Variants in GNAI3 observed in about 807,000 individuals in gnomAD.
The protein encoded by GNAI3 is G protein subunit alpha i3.
A neutral mutation model predicts 41.8 loss-of-function variants in GNAI3; 12 were observed. The ratio of observed to expected loss-of-function variants is 0.29; its 90% CI spans 0.18 to 0.47. The LOEUF (loss-of-function observed/expected upper bound fraction) is 0.47. Among genes scored for constraint, GNAI3 ranks in the 20% least tolerant of loss-of-function variants. The pLI is 1.00. For missense variants in GNAI3, 360 were observed against 429.6 expected, an observed-to-expected ratio of 0.84 and a Z score of 1.43; for synonymous variants, 132 against 146.5, an observed-to-expected ratio of 0.90 and a Z score of 0.71.
At chr1:109,556,357 T>C (rs1648150669) in intron 1 of GNAI3, among the ~76,000 whole-genome samples, 1 of 152,142 alleles carries the variant, frequency 6.6e-6, no homozygotes, top group South Asian at 2.1e-4. Flanking sequence ...TTCTTAAAAG[T>C]CGCTCATCTG....
intron 5 of GNAI3, 22 bp from the exon 6 acceptor site, chr1:109,586,194 T>C: frequency 6.2e-7 from 1 of 1,610,450 alleles, no homozygotes. Context: ...TTGCTGAATT[T>C]GCTTTCTTTC....
chr1:109,586,171 T>G, intron 5 of GNAI3, 45 bp from the exon 6 acceptor site: 1 of 1,589,256 alleles, frequency 6.3e-7, no homozygotes, highest in Non-Finnish European at 8.6e-7. Context: ...TAGGGGAAGG[T>G]GTATGTGTGA....
Position 109,548,651 on chromosome 1 carries a change from T to C in GNAI3, c.-70T>C. 9.0e-7 allele frequency: 1 copy of C among 1,109,350 alleles called. No homozygotes were observed. The highest frequency in any genetic ancestry group is 2.7e-4 in the Middle Eastern group (1 of 3,714). 68.7% of individuals were successfully genotyped at this position (1,109,350 alleles called of 1,614,324 possible). A position where few individuals can be genotyped will look rare whatever the true frequency, so the allele number is the denominator to read the frequency against. On this transcript the variant is annotated 5_prime_UTR_variant, in exon 1 of 9. Coordinates refer to ENST00000369851, the MANE Select transcript of GNAI3 (RefSeq NM_006496.4). ...CCACCGCCCAGCAATAGACGGTGCC[T>C]CAGCCTGCCGAGCCGCAGTTTCCGT...
rs747890363 is a variant in GNAI3 at position 109,575,534 on chromosome 1, CTTTTTTTTTTT to C, written c.303+1512_303+1522del. The stretch of plus-strand genomic sequence containing the variant: ...TATTTATCTCCCTACCCTTTCATTT[CTTTTTTTTTTT>C]TTTTTTTTTTTTTTGGAGACGGACT... On this transcript the variant is annotated intron_variant, in intron 3 of 8. Transcript: ENST00000369851. Among the ~76,000 whole-genome samples the C allele has an allele frequency of 3.5e-3, 183 of 52,882 alleles. 1 individual carries two copies. Among genetic ancestry groups the C allele is most frequent in the Middle Eastern group, 0.019 (1 of 52 alleles). 34.7% of individuals were successfully genotyped at this position (52,882 alleles called of 152,430 possible).
chr1:109,554,125 C>T lies in GNAI3; in HGVS notation c.118+5287C>T, dbSNP rs184047263. 6.0e-3 allele frequency among the ~76,000 whole-genome samples: 910 copies of T among 151,786 alleles called. 6 individuals carry two copies. Among genetic ancestry groups the T allele is most frequent in the Non-Finnish European group, 8.9e-3 (603 of 67,984 alleles). ...GTATATCACATTTTCTTTATCCACT[C>T]GTTGATTGATGGGCATTTGGGCTGG... On this transcript the variant is annotated intron_variant, in intron 1 of 8. Coordinates refer to ENST00000369851, the MANE Select transcript of GNAI3 (RefSeq NM_006496.4).
intron 1 of GNAI3, among the ~76,000 whole-genome samples, chr1:109,549,412 T>G (rs772469769): frequency 5.3e-5 from 8 of 152,128 alleles, no homozygotes; most frequent in Non-Finnish European, 1.0e-4. Context: ...GATAGGTAGG[T>G]GAGATAAATG....
rs756405571 is a variant in GNAI3 at position 109,598,894 on chromosome 1, G to GCT, written c.*6573_*6574dup. The GCT allele has an allele frequency of 1.9e-6, 1 of 534,768 alleles. No homozygotes were observed. Among genetic ancestry groups the GCT allele is most frequent in the East Asian group, 5.4e-5 (1 of 18,366 alleles). The allele number at this position is 534,768 out of a possible 1,614,324, so 33.1% of individuals were successfully genotyped here. A position where few individuals can be genotyped will look rare whatever the true frequency, so the allele number is the denominator to read the frequency against. On this transcript the variant is annotated 3_prime_UTR_variant, in exon 9 of 9. Transcript: ENST00000369851. Reference sequence around the variant, plus strand: ...TCCTTCTGGAATCTGTGCTCTGGGGGCTGTGCCGGGTAGAGAGGGCAGTGG... The same window carrying GCT: ...TCCTTCTGGAATCTGTGCTCTGGGGGCTCTGTGCCGGGTAGAGAGGGCAGTGG...
At chr1:109,561,244 A>G (rs1325798833) in intron 1 of GNAI3, among the ~76,000 whole-genome samples, 1 of 152,200 alleles carries the variant, frequency 6.6e-6, no homozygotes, top group African/African-American at 2.4e-5. Context: ...TAGTTCTTTC[A>G]ACTTTTTCTA....
At chr1:109,584,049 G>A (rs947391328) in intron 5 of GNAI3, among the ~76,000 whole-genome samples, 3 of 152,012 alleles carry the variant, frequency 2.0e-5, no homozygotes, top group African/African-American at 7.3e-5. Context: ...CTTTAGTTAT[G>A]GCATTATGCT....
intron 3 of GNAI3, among the ~76,000 whole-genome samples, chr1:109,574,424 C>G (rs111959017): frequency 2.0e-4 from 31 of 151,908 alleles, no homozygotes; most frequent in African/African-American, 7.3e-4. Context: ...AGGCCAAAAT[C>G]AGTCTCCCAG....
At position 109,596,079 on chromosome 1, in the gene GNAI3, A is replaced by G. The variant is rs1162225481; in HGVS notation, c.*3757A>G. ...CTTTATGATCATCATATTTTGTTGT[A>G]TTGCTCCCAACAAGCACAAGAGAAA... On this transcript the variant is annotated 3_prime_UTR_variant, in exon 9 of 9. Transcript: ENST00000369851. The G allele has an allele frequency of 6.6e-6, 1 of 152,136 alleles. No homozygotes were observed. Among genetic ancestry groups the G allele is most frequent in the African/African-American group, 2.4e-5 (1 of 41,424 alleles). The allele number at this position is 152,136 out of a possible 1,614,324, so 9.4% of individuals were successfully genotyped here.
chr1:109,572,748 A>T (rs1261463997), intron 1 of GNAI3, among the ~76,000 whole-genome samples: 1 of 152,224 alleles, frequency 6.6e-6, no homozygotes, highest in African/African-American at 2.4e-5. Flanking sequence ...GTAAGTTTGC[A>T]TGCTGATGAG....
chr1:109,583,520 G>A (rs1213943212), intron 5 of GNAI3, among the ~76,000 whole-genome samples: 1 of 151,208 alleles, frequency 6.6e-6, no homozygotes, highest in African/African-American at 2.4e-5. Context: ...CAGCCCAACT[G>A]TGATTGTTTT....
In GNAI3 at chr1:109,599,852, A is replaced by G. The variant is rs1379038386; in HGVS notation, c.*7530A>G. On this transcript the variant is annotated 3_prime_UTR_variant, in exon 9 of 9. Transcript: ENST00000369851. ...AATGGGAGGAGCTTAGAAGAACAAG[A>G]AATTGGCTTTGATTTTATAGTGTAT... 6.6e-6 allele frequency: 1 copy of G among 152,208 alleles called. No individual in the cohort carries two copies. Among genetic ancestry groups the G allele is most frequent in the East Asian group, 1.9e-4 (1 of 5,204 alleles). The allele number at this position is 152,208 out of a possible 1,614,324, so 9.4% of individuals were successfully genotyped here.
At chr1:109,573,690 T>C (rs755778675) in intron 1 of GNAI3, 47 bp from the exon 2 acceptor site, 17 of 1,454,602 alleles carry the variant, frequency 1.2e-5, no homozygotes, top group Non-Finnish European at 1.4e-5. Context: ...ATTATACTTT[T>C]ATGTTGATTA....
At chr1:109,560,177 T>A (rs1648267124) in intron 1 of GNAI3, among the ~76,000 whole-genome samples, 1 of 152,234 alleles carries the variant, frequency 6.6e-6, no homozygotes, top group African/African-American at 2.4e-5. Context: ...GAGATGTTAC[T>A]GTGTTTGTTG....
At position 109,599,965 on chromosome 1, in the gene GNAI3, G is replaced by T. The variant is rs1483351911; in HGVS notation, c.*7643G>T. The T allele has an allele frequency of 3.9e-5, 6 of 152,156 alleles. No individual in the cohort carries two copies. The highest frequency in any genetic ancestry group is 1.4e-4 in the African/African-American group (6 of 41,432). 9.4% of individuals were successfully genotyped at this position (152,156 alleles called of 1,614,324 possible). On this transcript the variant is annotated 3_prime_UTR_variant, in exon 9 of 9. Transcript: ENST00000369851. ...TCTAGTTCTGCTACTGCCTAGCGTT[G>T]TGATCTTGATGAAGATACTCTTCCT...
intron 4 of GNAI3, among the ~76,000 whole-genome samples, chr1:109,579,638 G>A (rs1489786285): frequency 6.6e-6 from 1 of 152,194 alleles, no homozygotes; most frequent in African/African-American, 2.4e-5. Flanking sequence ...AGAGACATCT[G>A]TTGTGGCTGG....
At chr1:109,571,618 T>A (rs936983392) in intron 1 of GNAI3, among the ~76,000 whole-genome samples, 1 of 152,136 alleles carries the variant, frequency 6.6e-6, no homozygotes, top group South Asian at 2.1e-4. Flanking sequence ...TTGAATAGTG[T>A]TTAAGCCATG....
Sources: allele counts gnomAD v4.1 joint callset (sites outside exome capture counted in the v4.1 genomes callset), GRCh38; gene constraint gnomAD v4.1.1; transcripts MANE v1.5; gene names NCBI Gene and HGNC (gene_info 2026-07-23, HGNC 2026-07-21).